B3GALNT2: variants seen among roughly 807,000 people sequenced by gnomAD.
The protein encoded by B3GALNT2 is UDP-GalNAc:beta-1,3-N-acetylgalactosaminyltransferase 2.
A neutral mutation model predicts 61.1 loss-of-function variants in B3GALNT2; 53 were observed. That is an observed-to-expected ratio of 0.87 (90% CI 0.70 to 1.09). The LOEUF is 1.09. Among genes scored for constraint, B3GALNT2 ranks in the 50% least tolerant of loss-of-function variants. The pLI is 0.00. For missense variants in B3GALNT2, 544 were observed against 623.0 expected (o/e 0.87, Z 1.35); for synonymous variants, 223 against 237.4 (o/e 0.94, Z 0.56).
At chr1:235,499,334 C>T (rs1400971802) in intron 1 of B3GALNT2, among the ~76,000 whole-genome samples, 1 of 152,152 alleles carries the variant, frequency 6.6e-6, no homozygotes. Flanking sequence ...ACTTCTGAAG[C>T]ACTGATAGTT....
chr1:235,466,743 T>C lies in B3GALNT2; in HGVS notation c.763-1029A>G, dbSNP rs1374211293. On this transcript the variant is annotated intron_variant, in intron 6 of 11. Transcript: ENST00000366600. ...TCTTAGAATGGAGAATCTTTTATTA[T>C]TAAAGAGTTATCTCTCTTCAAAAGT... Among the ~76,000 whole-genome samples, 4 of 152,338 alleles carry C rather than the reference T, an allele frequency of 2.6e-5. No individual in the cohort carries two copies. The East Asian group carries it at 5.8e-4, about 22-fold the overall frequency.
chr1:235,457,437 C>A (rs913567592), intron 8 of B3GALNT2, among the ~76,000 whole-genome samples: 3 of 152,236 alleles, frequency 2.0e-5, no homozygotes, highest in Non-Finnish European at 4.4e-5. Context: ...GGAAACTCAA[C>A]ATAAAATTTT....
At chr1:235,492,859 G>C (rs916493996) in intron 2 of B3GALNT2, among the ~76,000 whole-genome samples, 1 of 152,166 alleles carries the variant, frequency 6.6e-6, no homozygotes, top group Non-Finnish European at 1.5e-5. Context: ...AAGGCCCTGA[G>C]GTAGGGGCAC....
rs200912876 is a variant in B3GALNT2, at chr1:235,448,626, A to G, written c.*1580T>C. 3.9e-6 allele frequency: 6 copies of G among 1,534,896 alleles called. No individual in the cohort carries two copies. The highest frequency in any genetic ancestry group is 4.5e-6 in the Non-Finnish European group (5 of 1,108,580). On this transcript the variant is annotated 3_prime_UTR_variant, in exon 12 of 12. Transcript: ENST00000366600. ...GAGTATGTGTAGCATGCTTTATCGG[A>G]TCTGTCTTAATCACATCCTTCCCCA...
rs1558407116 is a variant in B3GALNT2 at position 235,453,087 on chromosome 1, T to C, written c.1368+3A>G. 1.9e-6 allele frequency: 3 copies of C among 1,609,006 alleles called. No homozygotes were observed. The highest frequency in any genetic ancestry group is 2.6e-6 in the Non-Finnish European group (3 of 1,175,330). The stretch of plus-strand genomic sequence containing the variant: ...AACCCTGAGGCCATCCCCAAAGACT[T>C]ACCTGGTATCTTTTAGGTCCTATGG... On this transcript the variant is annotated splice_donor_region_variant and intron_variant, in intron 11 of 11. Coordinates refer to ENST00000366600, the MANE Select transcript of B3GALNT2 (RefSeq NM_152490.5).
chr1:235,474,962 TATATATATATATATATATATA>T (rs1684175917), intron 5 of B3GALNT2, among the ~76,000 whole-genome samples: 1 of 24,244 alleles, frequency 4.1e-5, no homozygotes, highest in Non-Finnish European at 7.6e-5. Flanking sequence ...TATATATATA[TATATATATATATATATATATA>T]TATATTTTTT....
Position 235,450,061 on chromosome 1 carries a change from C to CCG in B3GALNT2, c.*143_*144dup. The CCG allele has an allele frequency of 1.1e-6, 1 of 930,908 alleles. No homozygotes were observed. The highest frequency in any genetic ancestry group is 1.6e-6 in the Non-Finnish European group (1 of 628,356). 57.7% of individuals were successfully genotyped at this position (930,908 alleles called of 1,614,324 possible). ...AAATTTGTGCAAACATTAAGAAACA[C>CCG]CGCATTGGTTCTGGGTGAAAGTGCC... is the stretch of plus-strand genomic sequence containing the variant. On this transcript the variant is annotated 3_prime_UTR_variant, in exon 12 of 12. Transcript: ENST00000366600.
intron 7 of B3GALNT2, among the ~76,000 whole-genome samples, chr1:235,459,913 C>T (rs1026971963): frequency 2.6e-5 from 4 of 152,106 alleles, no homozygotes; most frequent in Non-Finnish European, 4.4e-5. Context: ...CCTGCCTCAG[C>T]CTCCCGAGTA....
downstream of B3GALNT2, among the ~76,000 whole-genome samples, chr1:235,446,229 G>GC (rs1049870557): frequency 3.3e-5 from 5 of 151,970 alleles, no homozygotes; most frequent in African/African-American, 1.2e-4. Flanking sequence ...AGGCTAGAGT[G>GC]CAGTGGCATG....
At chr1:235,456,509 G>A (rs1683177996) in intron 8 of B3GALNT2, among the ~76,000 whole-genome samples, 1 of 152,164 alleles carries the variant, frequency 6.6e-6, no homozygotes, top group Non-Finnish European at 1.5e-5. Flanking sequence ...CCAATTAACA[G>A]CAGAAGGCAT....
chr1:235,474,636 A>G (rs543597858), intron 5 of B3GALNT2, among the ~76,000 whole-genome samples: 21 of 152,176 alleles, frequency 1.4e-4, no homozygotes, highest in Non-Finnish European at 2.4e-4. Context: ...CCTGGCCAAC[A>G]TGGTGAAACC....
intron 4 of B3GALNT2, among the ~76,000 whole-genome samples, chr1:235,480,374 A>G (rs1406467922): frequency 6.6e-6 from 1 of 152,080 alleles, no homozygotes; most frequent in African/African-American, 2.4e-5. Flanking sequence ...GAAATTCTCA[A>G]ATGCTAAACA....
intron 4 of B3GALNT2, among the ~76,000 whole-genome samples, chr1:235,482,806 A>G (rs578096576): frequency 8.5e-5 from 13 of 152,108 alleles, no homozygotes; most frequent in South Asian, 2.1e-4. Flanking sequence ...CAGCTCAGGT[A>G]AAAGAGCGAG....
Position 235,448,800 on chromosome 1 carries a change from C to G in B3GALNT2, c.*1406G>C. The G allele has an allele frequency of 1.4e-6, 2 of 1,402,936 alleles. No individual in the cohort carries two copies. The highest frequency in any genetic ancestry group is 2.0e-6 in the Non-Finnish European group (2 of 989,892). 86.9% of individuals were successfully genotyped at this position (1,402,936 alleles called of 1,614,324 possible). ...AAAATTTAAAGACCACACTGCTTAT[C>G]GTGTCTGGGGTTCACCGGAAATAAA... On this transcript the variant is annotated 3_prime_UTR_variant, in exon 12 of 12. Coordinates refer to ENST00000366600, the MANE Select transcript of B3GALNT2 (RefSeq NM_152490.5).
At chr1:235,498,588 C>G (rs572564262) in intron 1 of B3GALNT2, among the ~76,000 whole-genome samples, 56 of 152,224 alleles carry the variant, frequency 3.7e-4, no homozygotes, top group African/African-American at 1.3e-3. Context: ...CCTATAATCC[C>G]AGCTTCAATT....
At chr1:235,492,883 A>C (rs1456055324) in intron 2 of B3GALNT2, among the ~76,000 whole-genome samples, 1 of 152,214 alleles carries the variant, frequency 6.6e-6, no homozygotes, top group Non-Finnish European at 1.5e-5. Context: ...TAGTGTATGA[A>C]AGTACAGTAA....
At chr1:235,484,279 GAAAAAGA>G in intron 4 of B3GALNT2, 36 bp downstream of exon 4, 1 of 1,526,634 alleles carries the variant, frequency 6.6e-7, no homozygotes, top group African/African-American at 1.4e-5. Flanking sequence ...TGATGTTTTT[GAAAAAGA>G]AAAAAGAGAA....
intron 3 of B3GALNT2, among the ~76,000 whole-genome samples, chr1:235,486,596 A>C (rs1033202391): frequency 2.0e-5 from 3 of 152,210 alleles, no homozygotes; most frequent in Admixed American, 2.0e-4. Context: ...CCTTTGGATC[A>C]TCGAAAAGAT....
chr1:235,474,971 ATATATATATATATATATTTTTTTTT>A (rs1376419008), intron 5 of B3GALNT2, among the ~76,000 whole-genome samples: 2 of 30,120 alleles, frequency 6.6e-5, no homozygotes, highest in Middle Eastern at 0.011. Flanking sequence ...ATATATATAT[ATATATATATATATATATTTTTTTTT>A]TTTTTTTTTT....
Sources: gnomAD v4.1 joint callset for allele counts (sites outside exome capture counted in the v4.1 genomes callset) on GRCh38, gnomAD v4.1.1 for gene constraint, MANE v1.5 for transcripts, NCBI Gene and HGNC (gene_info 2026-07-23, HGNC 2026-07-21) for gene names.